Variants in GALNT13 observed in about 807,000 individuals in gnomAD.
GALNT13 encodes the protein polypeptide N-acetylgalactosaminyltransferase 13.
Under a neutral mutation model 64.2 loss-of-function variants are expected in GALNT13, and 28 were observed. The observed-to-expected ratio is 0.44, with a 90% confidence interval of 0.32 to 0.60. The LOEUF is 0.60. GALNT13 is among the 20% of genes least tolerant of loss of function. The pLI is 0.05. For missense variants in GALNT13, 577 were observed against 669.8 expected, an observed-to-expected ratio of 0.86 and a Z score of 1.53; for synonymous variants, 214 against 224.6, an observed-to-expected ratio of 0.95 and a Z score of 0.42.
At chr2:154,230,991 G>A (rs1688885782) in intron 4 of GALNT13, among the ~76,000 whole-genome samples, 2 of 152,082 alleles carry the variant, frequency 1.3e-5, no homozygotes, top group South Asian at 2.1e-4. Context: ...TGTATTGCAA[G>A]ATTGTAGTGA....
chr2:153,738,772 T>C, the GALNT13 span, among the ~76,000 whole-genome samples: 5 of 152,042 alleles, frequency 3.3e-5, no homozygotes, highest in African/African-American at 1.2e-4. Context: ...CTACTTCCTA[T>C]ACATGTTATA....
Position 154,245,925 on chromosome 2 carries a change from A to G in GALNT13, c.800A>G (p.Tyr267Cys). Residue 267 changes from tyrosine to cysteine, a missense_variant, in exon 7 of 13, where the codon TAT becomes TGT. Tyr to Cys is a radical substitution (Grantham distance 194). Around this residue, in one of 3 missense-constraint regions of GALNT13, gnomAD observed 341 missense variants for 379.3 expected, o/e 0.90. Transcript: ENST00000392825. ...GFNWKLNFRW[Y>C]PVPQREMDRR... ...AACTGGAAACTGAATTTCCGCTGGT[A>G]TCCTGTTCCCCAAAGAGAAATGGAC... 7 of 1,613,428 alleles carry G rather than the reference A, an allele frequency of 4.3e-6. No homozygotes were observed. Among genetic ancestry groups the G allele is most frequent in the South Asian group, 1.1e-5 (1 of 91,052 alleles).
intron 3 of GALNT13, among the ~76,000 whole-genome samples, chr2:154,068,085 C>T (rs1426328057): frequency 6.6e-6 from 1 of 151,962 alleles, no homozygotes; most frequent in African/African-American, 2.4e-5. Context: ...AGAAGACATA[C>T]AAATGGCAAA....
intron 9 of GALNT13, among the ~76,000 whole-genome samples, chr2:154,389,499 T>C (rs1698678363): frequency 6.6e-6 from 1 of 152,226 alleles, no homozygotes; most frequent in African/African-American, 2.4e-5. Flanking sequence ...TATGTATTCT[T>C]GTGCATGAAA....
intron 9 of GALNT13, among the ~76,000 whole-genome samples, chr2:154,328,792 G>A (rs990572429): frequency 6.6e-6 from 1 of 152,056 alleles, no homozygotes; most frequent in African/African-American, 2.4e-5. Flanking sequence ...TCCCACAGTG[G>A]CATTCTCAGG....
chr2:154,237,712 T>C lies in GALNT13; in HGVS notation c.312-4318T>C, dbSNP rs77737237. Among the ~76,000 whole-genome samples, 953 of 151,770 alleles carry C rather than the reference T, an allele frequency of 6.3e-3. 9 individuals carry two copies. The highest frequency in any genetic ancestry group is 0.021 in the African/African-American group (857 of 41,508). ...TCATTTTATGTGTCTGAAATTAGCA[T>C]GAGTTTTTCAAACATGGTCACAGCT... On this transcript the variant is annotated intron_variant, in intron 4 of 12. Coordinates refer to ENST00000392825, the MANE Select transcript of GALNT13 (RefSeq NM_052917.4).
the GALNT13 span, among the ~76,000 whole-genome samples, chr2:153,326,388 A>G: frequency 6.6e-6 from 1 of 150,602 alleles, no homozygotes; most frequent in Non-Finnish European, 1.5e-5. Flanking sequence ...GTCTTTGCAC[A>G]TGAGATGGGT....
In GALNT13 at chr2:154,242,076, G is replaced by A; in HGVS notation, c.358G>A (p.Val120Ile). ...YPDELPNTSVVIVFHNEAWST... is the reference protein window; with the variant it reads ...YPDELPNTSVIIVFHNEAWST... ...TGATGAACTTCCAAACACAAGTGTA[G>A]TCATTGTGTTTCATAATGAAGCTTG... The change falls in exon 5 of 13, where the codon GTC (valine) becomes ATC (isoleucine). Residue 120 changes from valine to isoleucine, a missense_variant. Coordinates refer to ENST00000392825, the MANE Select transcript of GALNT13 (RefSeq NM_052917.4). The A allele has an allele frequency of 4.4e-6, 7 of 1,608,888 alleles. No individual in the cohort carries two copies. The highest frequency in any genetic ancestry group is 6.0e-6 in the Non-Finnish European group (7 of 1,175,954).
chr2:153,082,917 C>T, the GALNT13 span, among the ~76,000 whole-genome samples: 128 of 151,644 alleles, frequency 8.4e-4, 2 homozygotes, highest in East Asian at 0.022. Flanking sequence ...CAACCTCCGC[C>T]TCGCAGGTTC....
chr2:153,997,257 G>A (rs138854343), intron 3 of GALNT13, among the ~76,000 whole-genome samples: 1 of 151,898 alleles, frequency 6.6e-6, no homozygotes, highest in African/African-American at 2.4e-5. Flanking sequence ...ATATCACCTT[G>A]GATAATATGG....
chr2:153,478,054 C>G, the GALNT13 span: 1 of 602,450 alleles, frequency 1.7e-6, no homozygotes, highest in South Asian at 2.1e-5. Context: ...CCTCCGACTG[C>G]CAGGCATGAG....
chr2:154,424,895 T>C (rs1356400716), intron 11 of GALNT13, among the ~76,000 whole-genome samples: 1 of 152,240 alleles, frequency 6.6e-6, no homozygotes, highest in Non-Finnish European at 1.5e-5. Context: ...TGCTCTTAGT[T>C]TGCAGCAATA....
intron 3 of GALNT13, among the ~76,000 whole-genome samples, chr2:154,019,403 G>A (rs1038856295): frequency 5.3e-5 from 8 of 152,092 alleles, no homozygotes; most frequent in Non-Finnish European, 1.0e-4. Context: ...GGGAGGCCAA[G>A]GCAGGTGAAT....
chr2:153,892,460 C>T (rs543080838), intron 1 of GALNT13, among the ~76,000 whole-genome samples: 1 of 152,044 alleles, frequency 6.6e-6, no homozygotes, highest in African/African-American at 2.4e-5. Context: ...TCTTCCATCC[C>T]ATGTTTATAG....
chr2:153,879,372 G>GTGTGTGTGTGCA (rs919146019), intron 1 of GALNT13, among the ~76,000 whole-genome samples: 1 of 151,806 alleles, frequency 6.6e-6, no homozygotes, highest in Non-Finnish European at 1.5e-5. Flanking sequence ...GTGTGTGTGT[G>GTGTGTGTGTGCA]TGTGTGTGTG....
At chr2:154,010,222 T>C (rs1262503632) in intron 3 of GALNT13, among the ~76,000 whole-genome samples, 1 of 152,170 alleles carries the variant, frequency 6.6e-6, no homozygotes, top group East Asian at 1.9e-4. Flanking sequence ...ATGTTGACTA[T>C]GGTTTTCTCA....
the GALNT13 span, among the ~76,000 whole-genome samples, chr2:153,715,752 A>T: frequency 1.3e-5 from 2 of 151,272 alleles, no homozygotes; most frequent in Admixed American, 1.3e-4. Context: ...TCTCCTTATC[A>T]TATATTAACA....
chr2:153,256,468 C>G, the GALNT13 span, among the ~76,000 whole-genome samples: 2 of 152,168 alleles, frequency 1.3e-5, no homozygotes, highest in South Asian at 2.1e-4. Flanking sequence ...CTCTCAGCTC[C>G]TCAACGTCAT....
At chr2:153,736,111 T>C in the GALNT13 span, among the ~76,000 whole-genome samples, 7 of 152,326 alleles carry the variant, frequency 4.6e-5, no homozygotes, top group African/African-American at 1.7e-4. Flanking sequence ...ATGATGATGA[T>C]TCTTCATTTC....
Sources: allele counts gnomAD v4.1 joint callset (sites outside exome capture counted in the v4.1 genomes callset), GRCh38; gene constraint gnomAD v4.1.1; regional missense constraint gnomAD v4.1.1; transcripts MANE v1.5; gene names NCBI Gene and HGNC (gene_info 2026-07-23, HGNC 2026-07-21).